GSR: variants seen among roughly 807,000 people sequenced by gnomAD.
GSR encodes the protein glutathione reductase, mitochondrial.
A neutral mutation model predicts 56.5 loss-of-function variants in GSR; 48 were observed. That is an observed-to-expected ratio of 0.85 (90% CI 0.67 to 1.08). GSR has a LOEUF of 1.08. Ranked by LOEUF, GSR falls within the 50% of genes least tolerant of loss-of-function variation. The pLI, the probability that GSR is intolerant of heterozygous loss-of-function variation, is 0.00. For synonymous variants in GSR, 264 were observed against 270.8 expected, an observed-to-expected ratio of 0.97 and a Z score of 0.25; for missense variants, 694 against 703.3, an observed-to-expected ratio of 0.99 and a Z score of 0.15.
chr8:30,707,926 C>T (rs1012496173), intron 4 of GSR, 146 bp downstream of exon 4: 6 of 514,160 alleles, frequency 1.2e-5, no homozygotes, highest in Admixed American at 3.3e-5. Context: ...CCCTGCACTC[C>T]AGCCTGGGCG....
chr8:30,697,769 G>A (rs971925174), intron 6 of GSR, among the ~76,000 whole-genome samples: 1 of 152,162 alleles, frequency 6.6e-6, no homozygotes, highest in East Asian at 1.9e-4. Context: ...GCCCAGGCTG[G>A]TCTCGAACTC....
In GSR at chr8:30,717,872, G is replaced by A. The variant is rs148819534; in HGVS notation, c.307-5784C>T. On this transcript the variant is annotated intron_variant, in intron 1 of 12. Transcript: ENST00000221130. The stretch of plus-strand genomic sequence containing the variant: ...TTGCAGCACTTTGGGAGGCCGAGGC[G>A]GGCAATTACCTGAGGTCAGGAGTTC... Among the ~76,000 whole-genome samples, 424 of 152,142 alleles carry A rather than the reference G, an allele frequency of 2.8e-3. 2 individuals carry two copies. Among genetic ancestry groups the A allele is most frequent in the African/African-American group, 7.8e-3 (323 of 41,530 alleles).
chr8:30,712,151 G>C, intron 1 of GSR, 63 bp from the exon 2 acceptor site: 3 of 842,124 alleles, frequency 3.6e-6, no homozygotes, highest in South Asian at 1.5e-5. Flanking sequence ...AACGAAATCT[G>C]CAAGAAATGC....
chr8:30,679,895 G>A (rs939355699), intron 12 of GSR, among the ~76,000 whole-genome samples: 2 of 151,840 alleles, frequency 1.3e-5, no homozygotes, highest in African/African-American at 4.8e-5. Flanking sequence ...AGCAGAGAGA[G>A]GGTTTCACCA....
intron 8 of GSR, among the ~76,000 whole-genome samples, chr8:30,690,789 A>G (rs371628781): frequency 5.9e-5 from 9 of 152,318 alleles, no homozygotes; most frequent in African/African-American, 2.2e-4. Context: ...TCTAGGCTGG[A>G]CATGGTGGCT....
chr8:30,721,594 C>T (rs546524510), intron 1 of GSR, among the ~76,000 whole-genome samples: 2 of 149,206 alleles, frequency 1.3e-5, no homozygotes, highest in African/African-American at 2.5e-5. Context: ...TGGAGGTTGC[C>T]GTGAGCCAAG....
At chr8:30,682,247 A>G (rs1307829209) in intron 10 of GSR, among the ~76,000 whole-genome samples, 186 bp from the exon 11 acceptor site, 1 of 152,156 alleles carries the variant, frequency 6.6e-6, no homozygotes, top group Non-Finnish European at 1.5e-5. Flanking sequence ...ACAACTCAAA[A>G]TGATTGGCTT....
chr8:30,725,027 A>AGG (rs1260035007), intron 1 of GSR, among the ~76,000 whole-genome samples: 1 of 152,236 alleles, frequency 6.6e-6, no homozygotes, highest in Non-Finnish European at 1.5e-5. Flanking sequence ...CTTCTGGCAT[A>AGG]CTTTGGGGTT....
intron 6 of GSR, among the ~76,000 whole-genome samples, chr8:30,697,006 T>C (rs535819760): frequency 1.3e-5 from 2 of 152,156 alleles, no homozygotes; most frequent in Admixed American, 1.3e-4. Flanking sequence ...GCCCAGTTTT[T>C]CTATTAATCT....
chr8:30,682,149 T>A, intron 10 of GSR, 88 bp from the exon 11 acceptor site: 1 of 1,060,040 alleles, frequency 9.4e-7, no homozygotes, highest in Non-Finnish European at 1.5e-6. Flanking sequence ...CCATCTACCT[T>A]AATGCCCTAG....
chr8:30,698,060 CT>C (rs1244952641), intron 6 of GSR, among the ~76,000 whole-genome samples: 90 of 152,170 alleles, frequency 5.9e-4, no homozygotes, highest in Non-Finnish European at 1.0e-3. Context: ...AGCCCCAGGA[CT>C]ACTCATGCAC....
rs8190936 is a variant in GSR, at chr8:30,711,498, T to A, written c.333+564A>T. 4.9e-3 allele frequency among the ~76,000 whole-genome samples: 750 copies of A among 152,304 alleles called. 6 individuals carry two copies. Among genetic ancestry groups the A allele is most frequent in the African/African-American group, 0.017 (704 of 41,568 alleles). The stretch of plus-strand genomic sequence containing the variant: ...CCATTCAACAGTTTGGTTTGCTGGC[T>A]GGGTCTTTTTGCTGAGAAAAAACTA... On this transcript the variant is annotated intron_variant, in intron 2 of 12. Coordinates refer to ENST00000221130, the MANE Select transcript of GSR (RefSeq NM_000637.5).
At chr8:30,686,905 C>T (rs929202688) in intron 9 of GSR, among the ~76,000 whole-genome samples, 11 of 150,452 alleles carry the variant, frequency 7.3e-5, no homozygotes, top group South Asian at 4.2e-4. Flanking sequence ...GGCGTGATCT[C>T]GGCTCACTGC....
At chr8:30,700,696 C>T (rs927801559) in intron 5 of GSR, among the ~76,000 whole-genome samples, 1 of 118,922 alleles carries the variant, frequency 8.4e-6, no homozygotes, top group Admixed American at 1.1e-4. Context: ...TGCACTCCAG[C>T]CTGGGAACAG....
chr8:30,692,018 G>T (rs909735379), intron 8 of GSR, among the ~76,000 whole-genome samples: 4 of 151,196 alleles, frequency 2.6e-5, no homozygotes, highest in Admixed American at 2.0e-4. Flanking sequence ...TGGAAGGATT[G>T]CTTGAGCCCA....
At chr8:30,713,954 G>A (rs1003507571) in intron 1 of GSR, among the ~76,000 whole-genome samples, 9 of 152,130 alleles carry the variant, frequency 5.9e-5, no homozygotes, top group African/African-American at 2.2e-4. Flanking sequence ...CATTGAGTCT[G>A]TGGAATATTC....
At chr8:30,713,147 C>T (rs1471240918) in intron 1 of GSR, among the ~76,000 whole-genome samples, 1 of 152,090 alleles carries the variant, frequency 6.6e-6, no homozygotes, top group African/African-American at 2.4e-5. Context: ...AGCGATTCTC[C>T]TGCCTCAGCC....
intron 10 of GSR, among the ~76,000 whole-genome samples, chr8:30,682,502 C>T (rs2978305): frequency 7.9e-5 from 12 of 152,196 alleles, no homozygotes; most frequent in East Asian, 3.8e-4. Context: ...TTCCGTGTTT[C>T]GACTTGGGTC....
intron 10 of GSR, 30 bp downstream of exon 10, chr8:30,684,058 C>T (rs1803046169): frequency 9.0e-7 from 1 of 1,108,300 alleles, no homozygotes. Context: ...CACGCAGACC[C>T]TCCCTCACCA....
Sources: allele counts gnomAD v4.1 joint callset (sites outside exome capture counted in the v4.1 genomes callset), GRCh38; gene constraint gnomAD v4.1.1; transcripts MANE v1.5; gene names NCBI Gene and HGNC (gene_info 2026-07-23, HGNC 2026-07-21).